Variants in ZER1 observed in about 807,000 individuals in gnomAD.
ZER1 encodes the protein protein zer-1 homolog.
Under a neutral mutation model 78.8 loss-of-function variants are expected in ZER1, and 11 were observed. That is an observed-to-expected ratio of 0.14 (90% CI 0.09 to 0.23). The LOEUF is 0.23. Ranked by LOEUF, ZER1 falls within the 10% of genes least tolerant of loss-of-function variation. The probability of loss-of-function intolerance (pLI) is 1.00; values close to 1 mark genes in which losing one functional copy is unlikely to be tolerated. For synonymous variants in ZER1, 400 were observed against 407.0 expected, an observed-to-expected ratio of 0.98 and a Z score of 0.21; for missense variants, 588 against 996.9, an observed-to-expected ratio of 0.59 and a Z score of 5.52.
intron 8 of ZER1, among the ~76,000 whole-genome samples, chr9:128,745,697 C>T (rs191870461): frequency 8.0e-4 from 122 of 152,110 alleles, no homozygotes; most frequent in Non-Finnish European, 1.0e-3. Flanking sequence ...GTTGCCCAGC[C>T]TGGAGTACAG....
chr9:128,750,925 C>T, intron 7 of ZER1, 136 bp from the exon 8 acceptor site: 1 of 1,423,784 alleles, frequency 7.0e-7, no homozygotes, highest in Non-Finnish European at 9.5e-7. Context: ...GCCTGGGGAG[C>T]AGACACCAGG....
At position 128,729,857 on chromosome 9, in the gene ZER1, T is replaced by A. The variant is rs1002813278; in HGVS notation, c.*1480A>T. 6.6e-6 allele frequency: 1 copy of A among 151,340 alleles called. No individual in the cohort carries two copies. Among genetic ancestry groups the A allele is most frequent in the Non-Finnish European group, 1.5e-5 (1 of 67,790 alleles). The allele number at this position is 151,340 out of a possible 1,614,324, so 9.4% of individuals were successfully genotyped here. On this transcript the variant is annotated 3_prime_UTR_variant, in exon 16 of 16. Coordinates refer to ENST00000291900, the MANE Select transcript of ZER1 (RefSeq NM_006336.4). ...AGACATTTCCCCAGGCCCCAGGGGG[T>A]AAAGCAATGAGGTGTGAAGTCTGCC...
Position 128,771,403 on chromosome 9 carries a change from G to C in ZER1, c.-95+178C>G, listed in dbSNP as rs538710364. Among the ~76,000 whole-genome samples, 10 of 152,332 alleles carry C rather than the reference G, an allele frequency of 6.6e-5. No homozygotes were observed. In the East Asian group the frequency reaches 1.9e-3, roughly 29 times the overall value. On this transcript the variant is annotated intron_variant, in intron 1 of 15. Coordinates refer to ENST00000291900, the MANE Select transcript of ZER1 (RefSeq NM_006336.4). The stretch of plus-strand genomic sequence containing the variant: ...GTCATTTTCTTTCTGGAGGAAGGGA[G>C]CTCAGTTTTAAAGACACGATTCTCA...
intron 14 of ZER1, among the ~76,000 whole-genome samples, chr9:128,734,144 A>AAAAAAATATAT: frequency 1.5e-3 from 21 of 14,442 alleles, no homozygotes; most frequent in African/African-American, 3.7e-3. Flanking sequence ...AAAAAAAAAA[A>AAAAAAATATAT]ATATATATAT....
rs1374940714 is a variant in ZER1, at chr9:128,740,256, C to G, written c.1854-137G>C. 1 of 875,420 alleles carries G rather than the reference C, an allele frequency of 1.1e-6. No homozygotes were observed. Among genetic ancestry groups the G allele is most frequent in the Non-Finnish European group, 1.7e-6 (1 of 577,570 alleles). 54.2% of individuals were successfully genotyped at this position (875,420 alleles called of 1,614,324 possible). A position where few individuals can be genotyped will look rare whatever the true frequency, so the allele number is the denominator to read the frequency against. The stretch of plus-strand genomic sequence containing the variant: ...ATCCCATATCGTCTATATACCCAGA[C>G]TACTTCTAAAGGGATTTGAGGTCAT... On this transcript the variant is annotated intron_variant, in intron 12 of 15. Transcript: ENST00000291900. This position sits in a 1 kb window ranked among gnomAD's most constrained non-coding sequence, Gnocchi z 4.4.
intron 8 of ZER1, 86 bp from the exon 9 acceptor site, chr9:128,742,831 A>C: frequency 7.9e-6 from 11 of 1,384,706 alleles, no homozygotes; most frequent in Non-Finnish European, 8.8e-6. Flanking sequence ...GTATGAGCTC[A>C]TCCAGAGTTG....
In ZER1 at chr9:128,754,567, C is replaced by T. The variant is rs1005241761; in HGVS notation, c.159-608G>A. Among the ~76,000 whole-genome samples, 1 of 152,204 alleles carries T rather than the reference C, an allele frequency of 6.6e-6. No individual in the cohort carries two copies. The highest frequency in any genetic ancestry group is 2.4e-5 in the African/African-American group (1 of 41,454). ...AACTATGGCCTGCAAAGTGTCCAAC[C>T]TAAAGCCTGACCCACGGTAAATGCT... On this transcript the variant is annotated intron_variant, in intron 2 of 15. Transcript: ENST00000291900. This position sits in a 1 kb window ranked among gnomAD's most constrained non-coding sequence, Gnocchi z 4.3.
chr9:128,761,165 A>G (rs1336492837), intron 1 of ZER1, among the ~76,000 whole-genome samples: 1 of 151,798 alleles, frequency 6.6e-6, no homozygotes, highest in Admixed American at 6.6e-5. Flanking sequence ...CTCAAAAAAA[A>G]AAAAAAAGGG....
intron 1 of ZER1, among the ~76,000 whole-genome samples, chr9:128,758,265 G>A (rs1296969674): frequency 6.6e-6 from 1 of 151,262 alleles, no homozygotes; most frequent in Non-Finnish European, 1.5e-5. Context: ...GATTACAAGC[G>A]TGCGCCATCA....
Position 128,752,683 on chromosome 9 carries a change from C to T in ZER1, c.913G>A (p.Gly305Arg). 6.2e-7 allele frequency: 1 copy of T among 1,612,578 alleles called. No individual in the cohort carries two copies. The highest frequency in any genetic ancestry group is 8.5e-7 in the Non-Finnish European group (1 of 1,179,276). The change falls in exon 5 of 16, where the codon GGG (glycine) becomes AGG (arginine). Residue 305 changes from glycine to arginine, a missense_variant. Physicochemically the swap from Gly to Arg is moderately radical, Grantham distance 125. Transcript: ENST00000291900. ...AGGCTGGGGCCCCACCTGGTCTGCC[C>T]CGCTTCCTCTTCCATCTTGGAGATG... The part of the protein sequence containing the change: ...CSISKMEEEA[G>R]QTSIEPSKSS...
At chr9:128,735,484 C>A in intron 13 of ZER1, 53 bp from the exon 14 acceptor site, 1 of 1,534,384 alleles carries the variant, frequency 6.5e-7, no homozygotes. Context: ...GGGAGTGTGT[C>A]TTTTCTTGTC....
chr9:128,741,507 A>T, intron 11 of ZER1, 28 bp downstream of exon 11: 1 of 1,613,948 alleles, frequency 6.2e-7, no homozygotes, highest in Non-Finnish European at 8.5e-7. Context: ...CAGCTGAGGC[A>T]GCTGCTGCTG....
intron 1 of ZER1, among the ~76,000 whole-genome samples, chr9:128,756,344 G>A (rs1165005295): frequency 6.6e-6 from 1 of 152,194 alleles, no homozygotes; most frequent in African/African-American, 2.4e-5. Context: ...TACTCGGGAG[G>A]CTGAGGCAGG....
rs567252967 is a variant in ZER1 at position 128,746,546 on chromosome 9, C to T, written c.1360-3801G>A. On this transcript the variant is annotated intron_variant, in intron 8 of 15. Coordinates refer to ENST00000291900, the MANE Select transcript of ZER1 (RefSeq NM_006336.4). ...AGAATCTTAGTTCACTGACTGCAGC[C>T]TCCACTTCCCAGGCTCAAGCAATCA... 5.3e-5 allele frequency among the ~76,000 whole-genome samples: 8 copies of T among 150,726 alleles called. No homozygotes were observed. The South Asian group carries it at 1.7e-3, about 32-fold the overall frequency.
Position 128,751,006 on chromosome 9 carries a change from G to T in ZER1, c.1185+116C>A. ...AGGCCCAGGCTGGGGTTCGGGTCCT[G>T]GGGCCCTGGGGACAGGGTGCAGAAG... On this transcript the variant is annotated intron_variant, in intron 7 of 15. Transcript: ENST00000291900. This position sits in a 1 kb window ranked among gnomAD's most constrained non-coding sequence, Gnocchi z 5.4. 6.9e-7 allele frequency: 1 copy of T among 1,450,954 alleles called. No individual in the cohort carries two copies. 89.9% of individuals were successfully genotyped at this position (1,450,954 alleles called of 1,614,324 possible).
At chr9:128,748,208 A>G (rs1193911612) in intron 8 of ZER1, among the ~76,000 whole-genome samples, 3 of 152,064 alleles carry the variant, frequency 2.0e-5, no homozygotes, top group African/African-American at 7.2e-5. Flanking sequence ...GATTGAGACC[A>G]TCCTGGCTAA....
rs994807808 is a variant in ZER1, at chr9:128,752,679, T to C, written c.917A>G (p.Gln306Arg). ...ATGGAGGCTGGGGCCCCACCTGGTC[T>C]GCCCCGCTTCCTCTTCCATCTTGGA... Reference protein sequence around the residue: ...SISKMEEEAGQTSIEPSKSSI... With the variant: ...SISKMEEEAGRTSIEPSKSSI... Residue 306 changes from glutamine (Q) to arginine (R), a missense_variant, in exon 5 of 16, where the codon CAG becomes CGG. Gln to Arg is a conservative substitution (Grantham distance 43). Transcript: ENST00000291900. 6.2e-7 allele frequency: 1 copy of C among 1,612,120 alleles called. No homozygotes were observed. Among genetic ancestry groups the C allele is most frequent in the African/African-American group, 1.3e-5 (1 of 75,024 alleles).
rs1247624293 is a variant in ZER1 at position 128,755,123 on chromosome 9, TCA to T, written c.158+283_158+284del. Among the ~76,000 whole-genome samples, 74 of 152,162 alleles carry T rather than the reference TCA, an allele frequency of 4.9e-4. 1 individual carries two copies. Among genetic ancestry groups the T allele is most frequent in the Non-Finnish European group, 9.1e-4 (62 of 68,032 alleles). On this transcript the variant is annotated intron_variant, in intron 2 of 15. Transcript: ENST00000291900. This position sits in a 1 kb window ranked among gnomAD's most constrained non-coding sequence, Gnocchi z 5.6. The stretch of plus-strand genomic sequence containing the variant: ...CATCTCTAAATGCACACATGCAGTT[TCA>T]CAGTCAGAAATAACCTGTGCTGCAT...
At position 128,741,952 on chromosome 9, in the gene ZER1, T is replaced by C. The variant is rs1039687891; in HGVS notation, c.1576-111A>G. 2.1e-6 allele frequency: 3 copies of C among 1,401,082 alleles called. No individual in the cohort carries two copies. In the African/African-American group the frequency reaches 4.3e-5, roughly 20 times the overall value. The allele number at this position is 1,401,082 out of a possible 1,614,324, so 86.8% of individuals were successfully genotyped here. A position where few individuals can be genotyped will look rare whatever the true frequency, so the allele number is the denominator to read the frequency against. On this transcript the variant is annotated intron_variant, in intron 9 of 15. Coordinates refer to ENST00000291900, the MANE Select transcript of ZER1 (RefSeq NM_006336.4). ...AACGCCATGGCTAGTTCAGGAGTCT[T>C]GACGAGATCAAGTCTCCCTATATTT... is the stretch of plus-strand genomic sequence containing the variant.
Sources: gnomAD v4.1 joint callset for allele counts (sites outside exome capture counted in the v4.1 genomes callset) on GRCh38, gnomAD v4.1.1 for gene constraint, Gnocchi (gnomAD v3.1) non-coding constraint, MANE v1.5 for transcripts, NCBI Gene and HGNC (gene_info 2026-07-23, HGNC 2026-07-21) for gene names.